The following DAB1 variants were observed in gnomAD, a reference collection of about 807,000 sequenced individuals.
The protein encoded by DAB1 is disabled homolog 1.
Under a neutral mutation model 64.6 loss-of-function variants are expected in DAB1, and 15 were observed. The observed-to-expected ratio is 0.23, with a 90% CI of 0.16 to 0.36. The LOEUF is 0.36. Among genes scored for constraint, DAB1 ranks in the 10% least tolerant of loss-of-function variants. The probability of loss-of-function intolerance (pLI) is 1.00; values close to 1 mark genes in which losing one functional copy is unlikely to be tolerated. For missense variants in DAB1, 596 were observed against 706.7 expected (o/e 0.84, Z 1.78); for synonymous variants, 235 against 251.9 (o/e 0.93, Z 0.64).
intron 3 of DAB1, among the ~76,000 whole-genome samples, chr1:58,425,880 T>A (rs1439376133): frequency 1.3e-5 from 2 of 151,154 alleles, no homozygotes; most frequent in African/African-American, 4.9e-5. Flanking sequence ...TGAGGATGAG[T>A]GGGAGGCGAG....
At chr1:57,434,363 G>A (rs142750541) in intron 7 of DAB1, among the ~76,000 whole-genome samples, 137 of 152,246 alleles carry the variant, frequency 9.0e-4, no homozygotes, top group Middle Eastern at 3.4e-3. Flanking sequence ...AACATTTTGA[G>A]TGAAAAAAGA....
chr1:57,665,888 C>A (rs1388709792), intron 6 of DAB1, among the ~76,000 whole-genome samples: 5 of 119,244 alleles, frequency 4.2e-5, no homozygotes, highest in Non-Finnish European at 6.9e-5. Flanking sequence ...TGTGTGTTTG[C>A]GTGTGCATGT....
At chr1:57,700,907 C>G (rs1382492920) in intron 6 of DAB1, among the ~76,000 whole-genome samples, 1 of 151,942 alleles carries the variant, frequency 6.6e-6, no homozygotes, top group Non-Finnish European at 1.5e-5. Context: ...TATGTATTTT[C>G]AAATAGACAG....
At chr1:57,913,257 T>C (rs980983302) in intron 5 of DAB1, among the ~76,000 whole-genome samples, 4 of 151,920 alleles carry the variant, frequency 2.6e-5, no homozygotes, top group African/African-American at 9.7e-5. Flanking sequence ...TATAGACCAA[T>C]GGAACAGAAC....
chr1:57,936,216 A>G (rs1168893054), intron 5 of DAB1, among the ~76,000 whole-genome samples: 1 of 152,034 alleles, frequency 6.6e-6, no homozygotes, highest in Non-Finnish European at 1.5e-5. Context: ...TTGCTAATTG[A>G]TTTTCCTTCT....
chr1:57,636,349 C>T (rs1646057384), intron 7 of DAB1, among the ~76,000 whole-genome samples: 1 of 152,138 alleles, frequency 6.6e-6, no homozygotes, highest in Non-Finnish European at 1.5e-5. Context: ...GCCTCCCAGT[C>T]TGTGGTATTT....
At chr1:58,521,378 G>A (rs915601197) in intron 2 of DAB1, among the ~76,000 whole-genome samples, 4 of 150,966 alleles carry the variant, frequency 2.6e-5, no homozygotes, top group Non-Finnish European at 4.4e-5. Context: ...TCTTAAGTTA[G>A]GGAAAGAACC....
At chr1:57,564,288 A>G (rs958315244) in intron 7 of DAB1, among the ~76,000 whole-genome samples, 1 of 152,220 alleles carries the variant, frequency 6.6e-6, no homozygotes, top group Non-Finnish European at 1.5e-5. Flanking sequence ...CCATCTGTAC[A>G]TCAGCATCAT....
At chr1:57,815,579 T>C (rs1271580115) in intron 6 of DAB1, among the ~76,000 whole-genome samples, 1 of 152,068 alleles carries the variant, frequency 6.6e-6, no homozygotes, top group Admixed American at 6.5e-5. Flanking sequence ...GAAAGAGCTT[T>C]GTAAAATGTA....
chr1:58,228,275 C>G (rs992727291), intron 4 of DAB1, among the ~76,000 whole-genome samples: 3 of 152,040 alleles, frequency 2.0e-5, no homozygotes, highest in African/African-American at 7.3e-5. Context: ...TGCTGATAAG[C>G]CATTAGGCAG....
intron 2 of DAB1, among the ~76,000 whole-genome samples, chr1:57,152,957 A>C (rs1659834961): frequency 6.6e-6 from 1 of 152,332 alleles, no homozygotes; most frequent in South Asian, 2.1e-4. Flanking sequence ...ATTTTTGAGC[A>C]CGTAACTCTA....
chr1:57,451,502 TA>T, intron 7 of DAB1, among the ~76,000 whole-genome samples: 1 of 152,194 alleles, frequency 6.6e-6, no homozygotes, highest in East Asian at 1.9e-4. Context: ...CAAAGAAGGC[TA>T]TTTAAATTGA....
At chr1:57,250,411 C>A (rs532222713) in intron 2 of DAB1, among the ~76,000 whole-genome samples, 91 of 152,236 alleles carry the variant, frequency 6.0e-4, no homozygotes, top group African/African-American at 2.0e-3. Context: ...GGTGTACCTA[C>A]GCGAGGAGGT....
intron 5 of DAB1, among the ~76,000 whole-genome samples, chr1:57,910,922 T>C (rs146473796): frequency 6.6e-6 from 1 of 152,162 alleles, no homozygotes; most frequent in East Asian, 1.9e-4. Flanking sequence ...CAAACAGGAA[T>C]GATACTGCCT....
chr1:57,049,043 G>C (rs982615530), intron 9 of DAB1, among the ~76,000 whole-genome samples: 7 of 152,140 alleles, frequency 4.6e-5, no homozygotes, highest in African/African-American at 1.7e-4. Flanking sequence ...GCAAGAAAAA[G>C]AGCCAGATAT....
chr1:57,605,982 C>G (rs1645631474), intron 7 of DAB1: 3 of 675,894 alleles, frequency 4.4e-6, no homozygotes, highest in South Asian at 4.1e-5. Context: ...GACCTCATGT[C>G]TTAGAACCTT....
intron 6 of DAB1, among the ~76,000 whole-genome samples, chr1:57,710,971 G>T (rs1647021690): frequency 6.6e-6 from 1 of 152,134 alleles, no homozygotes; most frequent in Admixed American, 6.5e-5. Flanking sequence ...GGAGACACTG[G>T]TTGTCAGAAA....
chr1:57,148,480 C>G (rs1283620083), intron 2 of DAB1, among the ~76,000 whole-genome samples: 1 of 152,168 alleles, frequency 6.6e-6, no homozygotes, highest in East Asian at 1.9e-4. Flanking sequence ...AAATAAATAA[C>G]AGATATCGGA....
intron 6 of DAB1, among the ~76,000 whole-genome samples, chr1:57,662,073 T>G (rs1015672552): frequency 1.3e-5 from 2 of 152,226 alleles, no homozygotes; most frequent in Admixed American, 6.5e-5. Context: ...CAGAGATTCC[T>G]GGCTGCTCAG....
Sources: allele counts gnomAD v4.1 joint callset (sites outside exome capture counted in the v4.1 genomes callset), GRCh38; gene constraint gnomAD v4.1.1; transcripts MANE v1.5; gene names NCBI Gene and HGNC (gene_info 2026-07-23, HGNC 2026-07-21).